Variants in ALKBH7 observed in about 807,000 individuals in gnomAD.
The protein encoded by ALKBH7 is alkB homolog 7, RNA demethylase.
In ALKBH7, 21 loss-of-function variants were observed where a neutral mutation model predicts 19.3. That is an observed-to-expected ratio of 1.09 (90% CI 0.77 to 1.56). The LOEUF (loss-of-function observed/expected upper bound fraction) is 1.56. Among genes scored for constraint, ALKBH7 ranks in the 40% most tolerant of loss-of-function variants. ALKBH7 has a pLI of 0.00. For synonymous variants in ALKBH7, 147 were observed against 139.5 expected, an observed-to-expected ratio of 1.05 and a Z score of -0.38; for missense variants, 354 against 311.4, an observed-to-expected ratio of 1.14 and a Z score of -1.03.
Position 6,375,245 on chromosome 19 carries a change from A to G in ALKBH7, c.*272A>G. 7.2e-7 allele frequency: 1 copy of G among 1,392,490 alleles called. No individual in the cohort carries two copies. The highest frequency in any genetic ancestry group is 9.3e-7 in the Non-Finnish European group (1 of 1,081,016). 86.3% of individuals were successfully genotyped at this position (1,392,490 alleles called of 1,614,324 possible). On this transcript the variant is annotated 3_prime_UTR_variant, in exon 4 of 4. Coordinates refer to ENST00000245812, the MANE Select transcript of ALKBH7 (RefSeq NM_032306.4). ...CATCCAGGTCTCCAATAAATAAGTC[A>G]GCCGAGCTCCCCCAGCACTGCAGCT...
chr19:6,373,011 A>T lies in ALKBH7; in HGVS notation c.191A>T (p.Asp64Val). The change falls in exon 1 of 4, where the codon GAT becomes GTT. Residue 64 changes from aspartate to valine, a missense_variant. Coordinates refer to ENST00000245812, the MANE Select transcript of ALKBH7 (RefSeq NM_032306.4). ...PELRRRRYEY[D>V]HWDAAIHGFR... ...CTGCGCCGCCGCCGCTACGAATACG[A>T]TCACTGGGACGCGGTGAGACCGGCA... 6.4e-7 allele frequency: 1 copy of T among 1,571,608 alleles called. No individual in the cohort carries two copies. Among genetic ancestry groups the T allele is most frequent in the Non-Finnish European group, 8.6e-7 (1 of 1,161,144 alleles).
In ALKBH7 at chr19:6,375,226, G is replaced by C. The variant is rs2091915800; in HGVS notation, c.*253G>C. 7.2e-7 allele frequency: 1 copy of C among 1,380,870 alleles called. No homozygotes were observed. Among genetic ancestry groups the C allele is most frequent in the African/African-American group, 1.5e-5 (1 of 66,186 alleles). 85.5% of individuals were successfully genotyped at this position (1,380,870 alleles called of 1,614,324 possible). On this transcript the variant is annotated 3_prime_UTR_variant, in exon 4 of 4. Coordinates refer to ENST00000245812, the MANE Select transcript of ALKBH7 (RefSeq NM_032306.4). ...CCCCTCCTCGTTGTCTCTGCATCCA[G>C]GTCTCCAATAAATAAGTCAGCCGAG...
rs761011181 is a variant in ALKBH7, at chr19:6,372,886, C to A, written c.66C>A (p.Gly22=). ...LPGPSWVRGS[G]PSVLSRLQDA... ...GGCCCAGCTGGGTGCGAGGCTCGGGCCCTTCCGTGCTGAGCCGCCTGCAGG... is the reference window on the plus strand; with the variant it reads ...GGCCCAGCTGGGTGCGAGGCTCGGGACCTTCCGTGCTGAGCCGCCTGCAGG... Residue 22 remains glycine, a synonymous_variant, in exon 1 of 4, where the codon GGC becomes GGA. Coordinates refer to ENST00000245812, the MANE Select transcript of ALKBH7 (RefSeq NM_032306.4). The A allele has an allele frequency of 3.1e-5, 48 of 1,550,920 alleles. No individual in the cohort carries two copies. The highest frequency in any genetic ancestry group is 9.5e-5 in the South Asian group (8 of 84,480).
chr19:6,373,090 G>A (rs533400873), intron 1 of ALKBH7, 66 bp downstream of exon 1: 3 of 1,501,748 alleles, frequency 2.0e-6, no homozygotes, highest in Non-Finnish European at 2.7e-6. Context: ...GGGACGTGGA[G>A]CATCAGATGG....
At chr19:6,374,425 C>G in intron 2 of ALKBH7, 40 bp from the exon 3 acceptor site, 1 of 1,606,732 alleles carries the variant, frequency 6.2e-7, no homozygotes, top group Non-Finnish European at 8.5e-7. Flanking sequence ...GGTAGGCAGG[C>G]CCGGTTAGAT....
Position 6,373,009 on chromosome 19 carries a change from C to G in ALKBH7, c.189C>G (p.Tyr63Ter), listed in dbSNP as rs2091898804. The G allele has an allele frequency of 1.9e-6, 3 of 1,572,406 alleles. No individual in the cohort carries two copies. Among genetic ancestry groups the G allele is most frequent in the Non-Finnish European group, 2.6e-6 (3 of 1,161,484 alleles). Residue 63 changes from tyrosine (Y) to a stop codon, truncating the protein, a stop_gained, in exon 1 of 4, where the codon TAC becomes TAG. Transcript: ENST00000245812. LOFTEE classifies it high-confidence loss of function. ...AGCTGCGCCGCCGCCGCTACGAATA[C>G]GATCACTGGGACGCGGTGAGACCGG... ...EPELRRRRYE[Y>*]DHWDAAIHGF...
intron 1 of ALKBH7, 64 bp from the exon 2 acceptor site, chr19:6,374,139 C>T: frequency 6.3e-7 from 1 of 1,587,790 alleles, no homozygotes; most frequent in South Asian, 1.1e-5. Context: ...TTTTCTGCCC[C>T]TCCTTGCCTC....
chr19:6,375,232 C>A lies in ALKBH7; in HGVS notation c.*259C>A. Reference sequence around the variant, plus strand: ...CTCGTTGTCTCTGCATCCAGGTCTCCAATAAATAAGTCAGCCGAGCTCCCC... The same window carrying A: ...CTCGTTGTCTCTGCATCCAGGTCTCAAATAAATAAGTCAGCCGAGCTCCCC... On this transcript the variant is annotated 3_prime_UTR_variant, in exon 4 of 4. Coordinates refer to ENST00000245812, the MANE Select transcript of ALKBH7 (RefSeq NM_032306.4). 7.2e-7 allele frequency: 1 copy of A among 1,388,036 alleles called. No homozygotes were observed. Among genetic ancestry groups the A allele is most frequent in the Non-Finnish European group, 9.3e-7 (1 of 1,077,048 alleles). 86.0% of individuals were successfully genotyped at this position (1,388,036 alleles called of 1,614,324 possible).
chr19:6,374,008 T>C (rs551660472), intron 1 of ALKBH7, 195 bp from the exon 2 acceptor site: 619 of 985,128 alleles, frequency 6.3e-4, no homozygotes, highest in Non-Finnish European at 7.3e-4. Flanking sequence ...CCTGGAATTG[T>C]AGCCTCAGGG....
At position 6,374,940 on chromosome 19, in the gene ALKBH7, A is replaced by AG; in HGVS notation, c.637dup (p.Glu213GlyfsTer21). The AG allele has an allele frequency of 6.2e-7, 1 of 1,611,234 alleles. No individual in the cohort carries two copies. Among genetic ancestry groups the AG allele is most frequent in the Non-Finnish European group, 8.5e-7 (1 of 1,178,108 alleles). On this transcript the variant is annotated frameshift_variant, in exon 4 of 4. Coordinates refer to ENST00000245812, the MANE Select transcript of ALKBH7 (RefSeq NM_032306.4). LOFTEE classifies it high-confidence loss of function. ...GCTCCCTCCCTGAGGGCATGGGGCC[A>AG]GGGGAGTCTGGACAGCCGCCCCCAG... is the stretch of plus-strand genomic sequence containing the variant.
chr19:6,374,281 G>T lies in ALKBH7; in HGVS notation c.283G>T (p.Ala95Ser). Residue 95 changes from alanine (A) to serine (S), a missense_variant, in exon 2 of 4, where the codon GCC (alanine) becomes TCC (serine). Transcript: ENST00000245812. ...SRAILQRVQA[A>S]AFGPGQTLLS... is the part of the protein sequence containing the mutation. ...GGCCATCCTGCAGCGCGTGCAGGCG[G>T]CCGCCTTTGGCCCCGGCCAGACCCT... is the stretch of plus-strand genomic sequence containing the variant. 1.2e-6 allele frequency: 2 copies of T among 1,613,000 alleles called. No individual in the cohort carries two copies. The highest frequency in any genetic ancestry group is 8.5e-7 in the Non-Finnish European group (1 of 1,179,708).
chr19:6,373,075 G>C (rs2091899370), intron 1 of ALKBH7, 51 bp downstream of exon 1: 1 of 1,519,146 alleles, frequency 6.6e-7, no homozygotes, highest in African/African-American at 1.4e-5. Flanking sequence ...CGGGGGCGCG[G>C]CCTGGGGACG....
At position 6,374,090 on chromosome 19, in the gene ALKBH7, C is replaced by T; in HGVS notation, c.205-113C>T. ...GGGCTAGGGGAGTTTGAGTTGAGGG[C>T]AGGGTCAAGAGTCACATAGGGAAAC... On this transcript the variant is annotated intron_variant, in intron 1 of 3. Coordinates refer to ENST00000245812, the MANE Select transcript of ALKBH7 (RefSeq NM_032306.4). The T allele has an allele frequency of 2.6e-6, 4 of 1,555,192 alleles. No individual in the cohort carries two copies. In the South Asian group the frequency reaches 3.6e-5, roughly 14 times the overall value.
chr19:6,373,661 G>T, intron 1 of ALKBH7: 1 of 1,243,418 alleles, frequency 8.0e-7, no homozygotes, highest in Non-Finnish European at 1.0e-6. Flanking sequence ...CGGGGAAGTC[G>T]AGGTTTAGAG....
chr19:6,374,698 A>G, intron 3 of ALKBH7, 109 bp downstream of exon 3: 1 of 1,603,254 alleles, frequency 6.2e-7, no homozygotes, highest in Admixed American at 1.7e-5. Context: ...CCTTTACCCC[A>G]GGGTCTGTGT....
At chr19:6,374,777 C>G in intron 3 of ALKBH7, 34 bp from the exon 4 acceptor site, 1 of 1,601,546 alleles carries the variant, frequency 6.2e-7, no homozygotes, top group South Asian at 1.1e-5. Flanking sequence ...GGCTGCCCTC[C>G]TTGCACCCAG....
At chr19:6,373,943 C>A in intron 1 of ALKBH7, 2 of 984,866 alleles carry the variant, frequency 2.0e-6, no homozygotes, top group Non-Finnish European at 2.4e-6. Context: ...TGGGTGGGGT[C>A]AAGTTGTAGG....
chr19:6,373,940 G>A (rs867539005), intron 1 of ALKBH7: 5 of 985,096 alleles, frequency 5.1e-6, no homozygotes, highest in Non-Finnish European at 4.8e-6. Flanking sequence ...ACTTGGGTGG[G>A]GTCAAGTTGT....
Position 6,374,509 on chromosome 19 carries a change from C to A in ALKBH7, c.423C>A (p.Ser141Arg), listed in dbSNP as rs761446783. The change falls in exon 3 of 4, where the codon AGC becomes AGA. Residue 141 changes from serine to arginine, a missense_variant. Coordinates refer to ENST00000245812, the MANE Select transcript of ALKBH7 (RefSeq NM_032306.4). The part of the protein sequence containing the change: ...TIAGLSLLSP[S>R]VMRLVHTQEP... Reference sequence around the variant, plus strand: ...CCGGCCTGTCTCTCCTGTCTCCCAGCGTTATGCGGCTGGTGCACACCCAGG... The same window carrying A: ...CCGGCCTGTCTCTCCTGTCTCCCAGAGTTATGCGGCTGGTGCACACCCAGG... 1.9e-6 allele frequency: 3 copies of A among 1,613,908 alleles called. No individual in the cohort carries two copies. Among genetic ancestry groups the A allele is most frequent in the Non-Finnish European group, 2.5e-6 (3 of 1,179,972 alleles).
Sources: gnomAD v4.1 joint callset for allele counts on GRCh38, gnomAD v4.1.1 for gene constraint, MANE v1.5 for transcripts, NCBI Gene and HGNC (gene_info 2026-07-23, HGNC 2026-07-21) for gene names.